The following PLCL2 variants were observed in gnomAD, a reference collection of about 807,000 sequenced individuals.
PLCL2 encodes the protein phospholipase C like 2, also known as inactive phospholipase C-like protein 2.
In PLCL2, 4 loss-of-function variants were observed where a neutral mutation model predicts 79.6. That is an observed-to-expected ratio of 0.05 (90% CI 0.02 to 0.11). The LOEUF (loss-of-function observed/expected upper bound fraction) is 0.11. Ranked by LOEUF, PLCL2 falls within the 10% of genes least tolerant of loss-of-function variation. The probability of loss-of-function intolerance (pLI) is 1.00; values close to 1 mark genes in which losing one functional copy is unlikely to be tolerated. For synonymous variants in PLCL2, 484 were observed against 457.7 expected (o/e 1.06, Z -0.73); for missense variants, 895 against 1,291.0 (o/e 0.69, Z 4.70).
intron 1 of PLCL2, among the ~76,000 whole-genome samples, chr3:16,955,948 G>C (rs757929124): frequency 5.9e-5 from 9 of 151,950 alleles, no homozygotes; most frequent in Non-Finnish European, 1.0e-4. Flanking sequence ...TGGGGTTTTC[G>C]AGATATACAA....
At chr3:16,991,710 T>G (rs1267942361) in intron 1 of PLCL2, among the ~76,000 whole-genome samples, 1 of 152,190 alleles carries the variant, frequency 6.6e-6, no homozygotes, top group Non-Finnish European at 1.5e-5. Flanking sequence ...TAGCCTGTGT[T>G]TTCAAGTTTT....
chr3:17,085,804 A>G (rs1016612253), intron 5 of PLCL2, among the ~76,000 whole-genome samples: 5 of 152,242 alleles, frequency 3.3e-5, no homozygotes, highest in African/African-American at 9.6e-5. Flanking sequence ...TTAAAAACAC[A>G]TGACCATTTA....
chr3:17,059,420 A>ATATATATATATG (rs2064923237), intron 4 of PLCL2, among the ~76,000 whole-genome samples: 1 of 146,356 alleles, frequency 6.8e-6, no homozygotes, highest in Non-Finnish European at 1.5e-5. Context: ...GTATGTGTGT[A>ATATATATATATG]TGTGTGTGTG....
At chr3:16,940,336 CA>C (rs896822924) in intron 1 of PLCL2, among the ~76,000 whole-genome samples, 30 of 152,072 alleles carry the variant, frequency 2.0e-4, no homozygotes, top group Non-Finnish European at 3.8e-4. Flanking sequence ...CCTTTTTAAT[CA>C]AAAAAAGTTC....
At chr3:16,922,392 A>C (rs1455326214) in intron 1 of PLCL2, among the ~76,000 whole-genome samples, 1 of 152,206 alleles carries the variant, frequency 6.6e-6, no homozygotes, top group African/African-American at 2.4e-5. Flanking sequence ...CTCAACTCTC[A>C]TGAAAGATTA....
chr3:17,065,047 T>G lies in PLCL2; in HGVS notation c.3095-2909T>G, dbSNP rs551725861. On this transcript the variant is annotated intron_variant, in intron 4 of 5. Coordinates refer to ENST00000615277, the MANE Select transcript of PLCL2 (RefSeq NM_001144382.2). ...TCAGTCACTTTTTTGGATTCTGAGT[T>G]TTTTATTTTTAACTTAGTATTTCCA... is the stretch of plus-strand genomic sequence containing the variant. 6.6e-5 allele frequency among the ~76,000 whole-genome samples: 10 copies of G among 152,254 alleles called. No individual in the cohort carries two copies. The East Asian group carries it at 1.3e-3, about 21-fold the overall frequency.
At position 17,089,877 on chromosome 3, in the gene PLCL2, A is replaced by G. The variant is rs758564737; in HGVS notation, c.3349A>G (p.Ile1117Val). The change falls in exon 6 of 6, where the codon ATA becomes GTA. Residue 1117 changes from isoleucine to valine, a missense_variant. Ile to Val is a conservative substitution (Grantham distance 29). Coordinates refer to ENST00000615277, the MANE Select transcript of PLCL2 (RefSeq NM_001144382.2). ...GAAGCCACGCCGGAGCTTGGAAGTC[A>G]TACCCGAAAAAGCAAACGATGAAAC... ...VQKPRRSLEVIPEKANDETGE is the reference protein window; with the variant it reads ...VQKPRRSLEVVPEKANDETGE 4.3e-6 allele frequency: 7 copies of G among 1,613,382 alleles called. No homozygotes were observed. The African/African-American group carries it at 9.3e-5, about 22-fold the overall frequency.
At chr3:17,067,895 C>G in intron 4 of PLCL2, 61 bp from the exon 5 acceptor site, 1 of 879,972 alleles carries the variant, frequency 1.1e-6, no homozygotes, top group Non-Finnish European at 1.8e-6. Flanking sequence ...AGAAATATTT[C>G]CAGTTCATTA....
intron 1 of PLCL2, among the ~76,000 whole-genome samples, chr3:16,963,417 G>C (rs1262765406): frequency 6.6e-6 from 1 of 152,048 alleles, no homozygotes; most frequent in East Asian, 1.9e-4. Flanking sequence ...AGCTTATCAT[G>C]AGAGAAAATG....
intron 3 of PLCL2, among the ~76,000 whole-genome samples, chr3:17,035,176 C>G (rs1054681625): frequency 2.6e-5 from 4 of 152,140 alleles, no homozygotes; most frequent in African/African-American, 9.7e-5. Flanking sequence ...CGGTTGTACT[C>G]GAGGTTCTTA....
intron 1 of PLCL2, among the ~76,000 whole-genome samples, chr3:16,912,546 A>G (rs1696906375): frequency 6.6e-6 from 1 of 152,218 alleles, no homozygotes; most frequent in Admixed American, 6.5e-5. Flanking sequence ...TTCAACAGTC[A>G]TATTAGTTTG....
chr3:16,941,567 A>G lies in PLCL2; in HGVS notation c.327+56201A>G, dbSNP rs181486701. On this transcript the variant is annotated intron_variant, in intron 1 of 5. Coordinates refer to ENST00000615277, the MANE Select transcript of PLCL2 (RefSeq NM_001144382.2). ...CCATGCCAGTAAGACAAATGAGTAT[A>G]CTGCATGCTTTTTGCCTCGAAGCCT... Among the ~76,000 whole-genome samples the G allele has an allele frequency of 1.2e-3, 179 of 152,294 alleles. 1 individual carries two copies. The highest frequency in any genetic ancestry group is 9.8e-3 in the Admixed American group (150 of 15,306).
At chr3:17,048,826 C>A (rs1377529111) in intron 4 of PLCL2, among the ~76,000 whole-genome samples, 1 of 152,124 alleles carries the variant, frequency 6.6e-6, no homozygotes, top group Non-Finnish European at 1.5e-5. Context: ...ATGTTTAGTG[C>A]AATACCATAA....
intron 1 of PLCL2, among the ~76,000 whole-genome samples, chr3:16,906,980 G>C (rs919221852): frequency 6.6e-6 from 1 of 152,186 alleles, no homozygotes. Flanking sequence ...GAGTTTAAGA[G>C]ATCATTCTTA....
In PLCL2 at chr3:17,089,985, G is replaced by C; in HGVS notation, c.*73G>C. On this transcript the variant is annotated 3_prime_UTR_variant, in exon 6 of 6. Transcript: ENST00000615277. The stretch of plus-strand genomic sequence containing the variant: ...TGTAGTCAGATGGGACATTTGCTTT[G>C]CACTCACTAATGAGAATAATATTCG... 6.7e-7 allele frequency: 1 copy of C among 1,499,122 alleles called. No individual in the cohort carries two copies. The highest frequency in any genetic ancestry group is 8.9e-7 in the Non-Finnish European group (1 of 1,122,526). 92.9% of individuals were successfully genotyped at this position (1,499,122 alleles called of 1,614,324 possible).
chr3:16,954,148 G>T (rs1056823718), intron 1 of PLCL2, among the ~76,000 whole-genome samples: 1 of 152,002 alleles, frequency 6.6e-6, no homozygotes, highest in African/African-American at 2.4e-5. Context: ...TTAACATTAG[G>T]TATATCTCCT....
intron 1 of PLCL2, among the ~76,000 whole-genome samples, chr3:16,968,890 T>C (rs181854845): frequency 1.3e-5 from 2 of 152,324 alleles, no homozygotes; most frequent in Admixed American, 1.3e-4. Flanking sequence ...GGGTTTGTTA[T>C]AGATGGCTGT....
At chr3:17,085,473 A>G (rs1040254544) in intron 5 of PLCL2, among the ~76,000 whole-genome samples, 1 of 149,222 alleles carries the variant, frequency 6.7e-6, no homozygotes, top group Non-Finnish European at 1.5e-5. Context: ...TTTGTGAGAC[A>G]GAGTGTCGCT....
At position 17,009,395 on chromosome 3, in the gene PLCL2, T is replaced by A. The variant is rs183208931; in HGVS notation, c.328-279T>A. 6.6e-6 allele frequency among the ~76,000 whole-genome samples: 1 copy of A among 152,180 alleles called. No homozygotes were observed. Among genetic ancestry groups the A allele is most frequent in the Non-Finnish European group, 1.5e-5 (1 of 68,030 alleles). On this transcript the variant is annotated intron_variant, in intron 1 of 5. Coordinates refer to ENST00000615277, the MANE Select transcript of PLCL2 (RefSeq NM_001144382.2). This position sits in a 1 kb window ranked among gnomAD's most constrained non-coding sequence, Gnocchi z 4.0. ...CCTTAGCCTCCCAAAGTGCTGAGTT[T>A]ATAGGTGTGAACCTCCGTCCCTGGC... is the stretch of plus-strand genomic sequence containing the variant.
Sources: gnomAD v4.1 joint callset for allele counts (sites outside exome capture counted in the v4.1 genomes callset) on GRCh38, gnomAD v4.1.1 for gene constraint, Gnocchi (gnomAD v3.1) non-coding constraint, MANE v1.5 for transcripts, NCBI Gene and HGNC (gene_info 2026-07-23, HGNC 2026-07-21) for gene names.